Variants in EIF3A observed in about 807,000 individuals in gnomAD.
EIF3A encodes EIF3, p180 subunit.
In EIF3A, 21 loss-of-function variants were observed where a neutral mutation model predicts 186.6. The observed-to-expected ratio is 0.11, with a 90% CI of 0.08 to 0.16. The LOEUF (loss-of-function observed/expected upper bound fraction) is 0.16. EIF3A is among the 10% of genes least tolerant of loss of function. The probability of loss-of-function intolerance (pLI) is 1.00; values close to 1 mark genes in which losing one functional copy is unlikely to be tolerated. For synonymous variants in EIF3A, 563 were observed against 584.3 expected (o/e 0.96, Z 0.52); for missense variants, 1,306 against 1,796.3 (o/e 0.73, Z 4.93).
In EIF3A at chr10:119,067,134, C is replaced by T. The variant is rs191110347; in HGVS notation, c.951-1564G>A. Among the ~76,000 whole-genome samples, 433 of 151,560 alleles carry T rather than the reference C, an allele frequency of 2.9e-3. 5 individuals carry two copies. The highest frequency in any genetic ancestry group is 1.5e-3 in the Non-Finnish European group (104 of 67,902). On this transcript the variant is annotated intron_variant, in intron 6 of 21. Transcript: ENST00000369144. ...GGGAGGCTGAGGCAGGAGAAGCGCTCGAACCCGGGAGGCAGAGGTTGCAGC... is the reference window on the plus strand; with the variant it reads ...GGGAGGCTGAGGCAGGAGAAGCGCTTGAACCCGGGAGGCAGAGGTTGCAGC...
At chr10:119,068,533 A>C (rs890598476) in intron 6 of EIF3A, among the ~76,000 whole-genome samples, 5 of 152,068 alleles carry the variant, frequency 3.3e-5, no homozygotes, top group African/African-American at 1.2e-4. Context: ...AAAATTAGCC[A>C]GGCATGGTGG....
intron 18 of EIF3A, among the ~76,000 whole-genome samples, chr10:119,043,808 T>C (rs1162018695): frequency 6.7e-6 from 1 of 149,104 alleles, no homozygotes. Flanking sequence ...TAATCCCAGC[T>C]ATTCGAGAGG....
intron 6 of EIF3A, among the ~76,000 whole-genome samples, chr10:119,066,805 G>A (rs1166069791): frequency 6.6e-6 from 1 of 152,182 alleles, no homozygotes; most frequent in Non-Finnish European, 1.5e-5. Flanking sequence ...TAAGGCTACT[G>A]CAAAGATTAA....
chr10:119,040,625 CT>C (rs1288505292), intron 19 of EIF3A, among the ~76,000 whole-genome samples: 1 of 152,174 alleles, frequency 6.6e-6, no homozygotes, highest in Admixed American at 6.5e-5. Context: ...AATCCTAGCA[CT>C]TTGGGAGGCC....
rs1455653009 is a variant in EIF3A at position 119,059,359 on chromosome 10, T to A, written c.1482A>T (p.Gly494=). 6.2e-7 allele frequency: 1 copy of A among 1,606,140 alleles called. No homozygotes were observed. Among genetic ancestry groups the A allele is most frequent in the Admixed American group, 1.7e-5 (1 of 57,906 alleles). The change falls in exon 11 of 22, where the codon GGA becomes GGT. Residue 494 remains glycine (G), a synonymous_variant. Transcript: ENST00000369144. ...IDHTSRTLSF[G]SDLNYATRED... ...CTCGAGTAGCATAATTCAAATCAGATCCAAAACTCAGGGTCCGAGAAGTGT... is the reference window on the plus strand; with the variant it reads ...CTCGAGTAGCATAATTCAAATCAGAACCAAAACTCAGGGTCCGAGAAGTGT...
intron 14 of EIF3A, 43 bp from the exon 15 acceptor site, chr10:119,051,364 T>G: frequency 6.5e-7 from 1 of 1,531,388 alleles, no homozygotes; most frequent in Non-Finnish European, 8.8e-7. Context: ...ACTTTTTTTT[T>G]TACTCATTAA....
intron 9 of EIF3A, chr10:119,060,141 A>G (rs1843860943): frequency 2.0e-6 from 1 of 500,206 alleles, no homozygotes; most frequent in African/African-American, 2.0e-5. Context: ...ATGTGCACAA[A>G]TACTGAGATG....
At position 119,069,576 on chromosome 10, in the gene EIF3A, T is replaced by C. The variant is rs1844038080; in HGVS notation, c.820A>G (p.Asn274Asp). 3 of 1,596,894 alleles carry C rather than the reference T, an allele frequency of 1.9e-6. No homozygotes were observed. The highest frequency in any genetic ancestry group is 2.6e-6 in the Non-Finnish European group (3 of 1,164,334). The change falls in exon 6 of 22, where the codon AAT becomes GAT. Residue 274 changes from asparagine to aspartate, a missense_variant. Physicochemically the swap from Asn to Asp is conservative, Grantham distance 23. This residue lies in a region of EIF3A where 267 missense variants were observed against 367.8 expected (regional missense o/e 0.73). Transcript: ENST00000369144. ...ACAGTTGAGACTTTGTTATAGTAAT[T>C]TGCCATCAACTGAGGTTTAGGTGGT... is the stretch of plus-strand genomic sequence containing the variant. ...KKPPKPQLMA[N>D]YYNKVSTVFW...
intron 6 of EIF3A, among the ~76,000 whole-genome samples, chr10:119,067,270 C>G (rs755726425): frequency 1.3e-5 from 2 of 151,370 alleles, no homozygotes; most frequent in African/African-American, 4.9e-5. Flanking sequence ...CCATAACGGA[C>G]ACCATCCTCA....
chr10:119,072,873 T>C lies in EIF3A; in HGVS notation c.541+17A>G. On this transcript the variant is annotated intron_variant, in intron 4 of 21. Transcript: ENST00000369144. ...AATTTCAAAGCACTTCACTCAGATT[T>C]GATCTTCTCATCTTACCTTGCTGGG... 6.3e-7 allele frequency: 1 copy of C among 1,596,192 alleles called. No homozygotes were observed. The highest frequency in any genetic ancestry group is 1.4e-5 in the African/African-American group (1 of 74,048).
Position 119,051,220 on chromosome 10 carries a change from A to T in EIF3A, c.2298T>A (p.Ala766=). The change falls in exon 15 of 22, where the codon GCT becomes GCA. Residue 766 remains alanine (A), a synonymous_variant. Coordinates refer to ENST00000369144, the MANE Select transcript of EIF3A (RefSeq NM_003750.4). ...TCACCTCATAAACAGACTGCCGTGCAGCTTTGAGTCGCATTACGAATAAAT... is the reference window on the plus strand; with the variant it reads ...TCACCTCATAAACAGACTGCCGTGCTGCTTTGAGTCGCATTACGAATAAAT... The part of the protein sequence containing the change: ...DRDLFVMRLK[A]ARQSVYEEKL... 1.2e-6 allele frequency: 2 copies of T among 1,610,100 alleles called. No homozygotes were observed. Among genetic ancestry groups the T allele is most frequent in the Non-Finnish European group, 1.7e-6 (2 of 1,179,096 alleles).
intron 19 of EIF3A, among the ~76,000 whole-genome samples, chr10:119,040,259 G>C (rs1848189868): frequency 6.6e-6 from 1 of 152,092 alleles, no homozygotes. Context: ...TGCTGACCCA[G>C]GACCAAGTAC....
At chr10:119,076,889 T>C (rs1171772128) in intron 1 of EIF3A, among the ~76,000 whole-genome samples, 1 of 147,160 alleles carries the variant, frequency 6.8e-6, no homozygotes, top group African/African-American at 2.5e-5. Flanking sequence ...TGAGCCAAGA[T>C]TGCGTCACTG....
At chr10:119,051,124 T>C (rs1370966936) in intron 15 of EIF3A, 75 bp downstream of exon 15, 14 of 1,324,464 alleles carry the variant, frequency 1.1e-5, no homozygotes, top group Non-Finnish European at 1.4e-5. Flanking sequence ...AATATACCAA[T>C]TTGTTAAGGG....
chr10:119,055,557 A>G (rs2119819116), intron 14 of EIF3A, among the ~76,000 whole-genome samples: 1 of 152,204 alleles, frequency 6.6e-6, no homozygotes, highest in Middle Eastern at 3.4e-3. Context: ...GTAAAAGAAG[A>G]AATAAGAATA....
At chr10:119,074,982 TTC>T (rs1444110953) in intron 1 of EIF3A, among the ~76,000 whole-genome samples, 6 of 52,114 alleles carry the variant, frequency 1.2e-4, no homozygotes, top group African/African-American at 1.7e-4. Context: ...CTTATTTTTT[TTC>T]TTTTTTTTTT....
At chr10:119,072,024 CAAAAAAAAAAAAAA>C (rs56100757) in intron 4 of EIF3A, among the ~76,000 whole-genome samples, 1 of 59,472 alleles carries the variant, frequency 1.7e-5, no homozygotes. Flanking sequence ...GACTCTGTCT[CAAAAAAAAAAAAAA>C]AAAAAAAAGA....
intron 19 of EIF3A, 24 bp downstream of exon 19, chr10:119,041,970 A>G (rs754552839): frequency 6.2e-7 from 1 of 1,609,320 alleles, no homozygotes; most frequent in Non-Finnish European, 8.5e-7. Context: ...ACACTTAAGC[A>G]TATTCTAGGA....
At position 119,049,915 on chromosome 10, in the gene EIF3A, C is replaced by T. The variant is rs971876022; in HGVS notation, c.2544G>A (p.Val848=). 1.9e-6 allele frequency: 3 copies of T among 1,614,122 alleles called. No homozygotes were observed. Among genetic ancestry groups the T allele is most frequent in the Middle Eastern group, 1.6e-4 (1 of 6,062 alleles). ...EEELREYQER[V]KKLEEVERKK... ...TCCTTTCCACTTCTTCTAATTTCTT[C>T]ACCCGCTCCTGATACTCTCGTAGCT... is the stretch of plus-strand genomic sequence containing the variant. The change falls in exon 17 of 22, where the codon GTG becomes GTA. Residue 848 remains valine, a synonymous_variant. Coordinates refer to ENST00000369144, the MANE Select transcript of EIF3A (RefSeq NM_003750.4).
Sources: allele counts gnomAD v4.1 joint callset (sites outside exome capture counted in the v4.1 genomes callset), GRCh38; gene constraint gnomAD v4.1.1; regional missense constraint gnomAD v4.1.1; transcripts MANE v1.5; gene names NCBI Gene and HGNC (gene_info 2026-07-23, HGNC 2026-07-21).